The following ASIC2 variants were observed in gnomAD, a reference collection of about 807,000 sequenced individuals.
ASIC2 encodes the protein acid sensing ion channel subunit 2, also known as acid-sensing ion channel 2.
ASIC2 carries 25 observed loss-of-function variants against 57.3 expected under a neutral mutation model. The ratio of observed to expected loss-of-function variants is 0.44; its 90% CI spans 0.32 to 0.61. The LOEUF (loss-of-function observed/expected upper bound fraction) is 0.61, where lower values mean the gene tolerates loss of function less well. Ranked by LOEUF, ASIC2 falls within the 20% of genes least tolerant of loss-of-function variation. The pLI is 0.06. For synonymous variants in ASIC2, 319 were observed against 307.5 expected (o/e 1.04, Z -0.39); for missense variants, 641 against 738.1 (o/e 0.87, Z 1.52).
chr17:33,055,777 CTT>C (rs1009010748), intron 3 of ASIC2, among the ~76,000 whole-genome samples: 1 of 152,142 alleles, frequency 6.6e-6, no homozygotes, highest in African/African-American at 2.4e-5. Context: ...CTTGGCCTCT[CTT>C]CACGGGAATC....
chr17:33,706,910 CT>C (rs1426127338), intron 1 of ASIC2, among the ~76,000 whole-genome samples: 1 of 152,176 alleles, frequency 6.6e-6, no homozygotes, highest in African/African-American at 2.4e-5. Context: ...CTTTGCATAT[CT>C]TCTGTCTCTC....
intron 1 of ASIC2, among the ~76,000 whole-genome samples, chr17:33,322,100 T>C (rs1906895270): frequency 6.6e-6 from 1 of 152,190 alleles, no homozygotes; most frequent in African/African-American, 2.4e-5. Context: ...GAATGAACCC[T>C]CTTGTGCATC....
chr17:34,135,294 A>T (rs1184373431), intron 1 of ASIC2, among the ~76,000 whole-genome samples: 1 of 152,256 alleles, frequency 6.6e-6, no homozygotes, highest in Non-Finnish European at 1.5e-5. Context: ...TGAATCACTG[A>T]AAGCAGGAAC....
chr17:33,174,842 T>G (rs1477798025), intron 1 of ASIC2, among the ~76,000 whole-genome samples: 1 of 152,168 alleles, frequency 6.6e-6, no homozygotes, highest in Admixed American at 6.5e-5. Context: ...TGAGCTTGTG[T>G]TGTATTAAGC....
intron 1 of ASIC2, among the ~76,000 whole-genome samples, chr17:33,267,484 C>T (rs1236893349): frequency 6.6e-6 from 1 of 152,216 alleles, no homozygotes; most frequent in South Asian, 2.1e-4. Flanking sequence ...TCTCGAGGAT[C>T]ATTAATTGCC....
chr17:33,552,881 A>G lies in ASIC2; in HGVS notation c.556-440814T>C, dbSNP rs1037772879. On this transcript the variant is annotated intron_variant, in intron 1 of 9. Coordinates refer to the ASIC2 transcript ENST00000359872. ...CTGTTAATGGTGGAAATGTTTCCCC[A>G]GGGAAGTGCTGCTGGGCTCTCTTGC... Among the ~76,000 whole-genome samples the G allele has an allele frequency of 3.3e-5, 5 of 152,228 alleles. No individual in the cohort carries two copies. The East Asian group carries it at 5.8e-4, about 18-fold the overall frequency.
intron 1 of ASIC2, among the ~76,000 whole-genome samples, chr17:33,981,744 C>T (rs1426975945): frequency 6.6e-6 from 1 of 152,096 alleles, no homozygotes; most frequent in Non-Finnish European, 1.5e-5. Flanking sequence ...GAGCTAAGCA[C>T]CATGCTTAAC....
At chr17:33,105,695 T>TG (rs1467730986) in intron 2 of ASIC2, among the ~76,000 whole-genome samples, 1 of 152,066 alleles carries the variant, frequency 6.6e-6, no homozygotes, top group Non-Finnish European at 1.5e-5. Context: ...GACAGGAAGA[T>TG]GGGGGAAGTT....
chr17:33,236,168 G>T (rs1908289883), intron 1 of ASIC2, among the ~76,000 whole-genome samples: 1 of 151,940 alleles, frequency 6.6e-6, no homozygotes, highest in South Asian at 2.1e-4. Context: ...GTGCTAGAAT[G>T]GGTTAAGACT....
At chr17:33,350,061 G>A (rs571663904) in intron 1 of ASIC2, among the ~76,000 whole-genome samples, 3 of 152,312 alleles carry the variant, frequency 2.0e-5, no homozygotes, top group African/African-American at 7.2e-5. Context: ...AGACTGGGCC[G>A]ACAATTTGCC....
intron 1 of ASIC2, among the ~76,000 whole-genome samples, chr17:33,705,143 C>A: frequency 6.6e-6 from 1 of 152,094 alleles, no homozygotes; most frequent in South Asian, 2.1e-4. Flanking sequence ...TTTCTTCCTG[C>A]CTCTTTTTTC....
intron 1 of ASIC2, among the ~76,000 whole-genome samples, chr17:34,012,212 C>CCCGAACCA (rs1300559846): frequency 6.6e-6 from 1 of 152,160 alleles, no homozygotes; most frequent in Admixed American, 6.5e-5. Context: ...ACTCCAGGCC[C>CCCGAACCA]CCGAACCACC....
intron 1 of ASIC2, among the ~76,000 whole-genome samples, chr17:33,951,164 C>T (rs1904551055): frequency 6.6e-6 from 1 of 152,076 alleles, no homozygotes; most frequent in Admixed American, 6.5e-5. Flanking sequence ...ATAATAACAA[C>T]AGGTATCATT....
intron 1 of ASIC2, chr17:34,005,783 G>C (rs1044369227): frequency 9.2e-5 from 14 of 152,218 alleles, no homozygotes; most frequent in Admixed American, 2.0e-4. Flanking sequence ...TGTGTACCCT[G>C]ATGCTGTAGT....
intron 1 of ASIC2, among the ~76,000 whole-genome samples, chr17:33,130,177 T>G (rs2092340047): frequency 6.6e-6 from 1 of 152,148 alleles, no homozygotes; most frequent in South Asian, 2.1e-4. Context: ...GCACAAAAAT[T>G]TCCCAAAACA....
chr17:33,348,832 G>C (rs1020854669), intron 1 of ASIC2, among the ~76,000 whole-genome samples: 2 of 151,990 alleles, frequency 1.3e-5, no homozygotes, highest in Non-Finnish European at 2.9e-5. Context: ...TTGTGCAAAA[G>C]GTACCACCTA....
chr17:33,640,432 CA>C (rs1310990792), intron 1 of ASIC2, among the ~76,000 whole-genome samples: 1 of 152,200 alleles, frequency 6.6e-6, no homozygotes, highest in Middle Eastern at 3.4e-3. Context: ...CATTTCTTTG[CA>C]AAAAAACCAC....
intron 1 of ASIC2, among the ~76,000 whole-genome samples, chr17:33,203,449 C>A (rs529274132): frequency 6.6e-6 from 1 of 152,142 alleles, no homozygotes; most frequent in Non-Finnish European, 1.5e-5. Context: ...TAGAATGATG[C>A]GAAGAAATGT....
intron 2 of ASIC2, chr17:33,100,117 T>C (rs973611118): frequency 6.6e-6 from 1 of 151,804 alleles, no homozygotes; most frequent in African/African-American, 2.4e-5. Flanking sequence ...GACTTGGGGG[T>C]GGGGGAAGGC....
Sources: allele counts gnomAD v4.1 joint callset (sites outside exome capture counted in the v4.1 genomes callset), GRCh38; gene constraint gnomAD v4.1.1; transcripts MANE v1.5; gene names NCBI Gene and HGNC (gene_info 2026-07-23, HGNC 2026-07-21).